The following TRIM37 variants were observed in gnomAD, a reference collection of about 807,000 sequenced individuals.
TRIM37 encodes E3 ubiquitin-protein ligase TRIM37.
Under a neutral mutation model 129.8 loss-of-function variants are expected in TRIM37, and 80 were observed. That is an observed-to-expected ratio of 0.62 (90% CI 0.51 to 0.74). The LOEUF (loss-of-function observed/expected upper bound fraction) is 0.74, where lower values mean the gene tolerates loss of function less well. TRIM37 is among the 30% of genes least tolerant of loss of function. The pLI, the probability that TRIM37 is intolerant of heterozygous loss-of-function variation, is 0.00. For synonymous variants in TRIM37, 389 were observed against 387.1 expected (o/e 1.00, Z -0.06); for missense variants, 1,054 against 1,176.5 (o/e 0.90, Z 1.52).
intron 12 of TRIM37, among the ~76,000 whole-genome samples, chr17:59,058,603 A>G (rs1316094090): frequency 6.6e-6 from 1 of 152,228 alleles, no homozygotes; most frequent in African/African-American, 2.4e-5. Flanking sequence ...AACACCTGTA[A>G]TCCCAGCACT....
chr17:59,054,979 G>A (rs1362767502), intron 13 of TRIM37, among the ~76,000 whole-genome samples: 1 of 151,958 alleles, frequency 6.6e-6, no homozygotes, highest in Non-Finnish European at 1.5e-5. Flanking sequence ...TAGGGCTGTT[G>A]TTTGAGTCAG....
At position 59,061,072 on chromosome 17, in the gene TRIM37, C is replaced by T; in HGVS notation, c.979G>A (p.Val327Met). The change falls in exon 12 of 24, where the codon GTG (valine) becomes ATG (methionine). Residue 327 changes from valine to methionine, a missense_variant. Around this residue, in one of 3 missense-constraint regions of TRIM37, gnomAD observed 752 missense variants for 870.8 expected, o/e 0.86. Transcript: ENST00000262294. ...AAGCCAGCTGAGAGCTCCAGAAACACAGATAAGTAGTAACCTCGCACAACT... is the reference window on the plus strand; with the variant it reads ...AAGCCAGCTGAGAGCTCCAGAAACATAGATAAGTAGTAACCTCGCACAACT... Reference protein sequence around the residue: ...NGVVRGYYLSVFLELSAGLPE... With the variant: ...NGVVRGYYLSMFLELSAGLPE... The T allele has an allele frequency of 6.2e-7, 1 of 1,613,584 alleles. No individual in the cohort carries two copies. Among genetic ancestry groups the T allele is most frequent in the Non-Finnish European group, 8.5e-7 (1 of 1,179,706 alleles).
intron 22 of TRIM37, among the ~76,000 whole-genome samples, chr17:59,004,588 A>G (rs1321200751): frequency 6.6e-6 from 1 of 152,194 alleles, no homozygotes; most frequent in Non-Finnish European, 1.5e-5. Context: ...AATTTCCAAT[A>G]TCAGGAATGA....
At chr17:59,042,024 G>C in intron 16 of TRIM37, 126 bp from the exon 17 acceptor site, 2 of 705,454 alleles carry the variant, frequency 2.8e-6, no homozygotes, top group Middle Eastern at 3.9e-4. Flanking sequence ...ACAAAAAGGA[G>C]AAAGATTTTT....
intron 22 of TRIM37, among the ~76,000 whole-genome samples, chr17:59,010,286 G>C (rs1316683378): frequency 6.6e-6 from 1 of 152,150 alleles, no homozygotes; most frequent in Admixed American, 6.5e-5. Flanking sequence ...CTGGTATCTA[G>C]TGGTTAACAG....
At chr17:59,030,839 A>G (rs2037766027) in intron 18 of TRIM37, among the ~76,000 whole-genome samples, 1 of 152,162 alleles carries the variant, frequency 6.6e-6, no homozygotes, top group Non-Finnish European at 1.5e-5. Context: ...CTACTACAAA[A>G]TTGTCCTTCA....
chr17:59,039,264 T>C (rs1049744542), intron 17 of TRIM37, among the ~76,000 whole-genome samples: 1 of 152,126 alleles, frequency 6.6e-6, no homozygotes, highest in African/African-American at 2.4e-5. Context: ...TCAGCATCAA[T>C]TCCTATGTTA....
the TRIM37 span, chr17:58,972,861 A>G: frequency 6.2e-7 from 1 of 1,613,012 alleles, no homozygotes; most frequent in Non-Finnish European, 8.5e-7. Context: ...AGGCCCTTGG[A>G]GGTTGCGTAG....
intron 24 of TRIM37, among the ~76,000 whole-genome samples, chr17:58,992,297 TTATATA>T (rs1242834616): frequency 7.5e-6 from 1 of 134,010 alleles, no homozygotes; most frequent in East Asian, 2.1e-4. Context: ...TTATATATAT[TTATATA>T]TATATAAATA....
chr17:59,099,572 G>C (rs2045261596), intron 2 of TRIM37, among the ~76,000 whole-genome samples: 1 of 151,918 alleles, frequency 6.6e-6, no homozygotes, highest in African/African-American at 2.4e-5. Context: ...GCACTGAACA[G>C]ACCCCTTACC....
At chr17:59,088,498 A>C in intron 3 of TRIM37, 91 bp from the exon 4 acceptor site, 4 of 835,244 alleles carry the variant, frequency 4.8e-6, no homozygotes, top group Non-Finnish European at 8.2e-6. Flanking sequence ...GAGCACAATA[A>C]TACTCATACC....
intron 15 of TRIM37, among the ~76,000 whole-genome samples, 164 bp downstream of exon 15, chr17:59,049,014 C>T (rs1263657711): frequency 6.6e-6 from 1 of 152,124 alleles, no homozygotes; most frequent in African/African-American, 2.4e-5. Flanking sequence ...GATTCAACAA[C>T]TTCTGACTTA....
At chr17:59,019,857 A>G (rs2036377389) in intron 19 of TRIM37, among the ~76,000 whole-genome samples, 1 of 152,206 alleles carries the variant, frequency 6.6e-6, no homozygotes, top group South Asian at 2.1e-4. Context: ...TTAGACTTAG[A>G]TAAATGTTCT....
At chr17:59,088,449 G>C (rs2043971989) in intron 3 of TRIM37, 42 bp from the exon 4 acceptor site, 2 of 1,114,384 alleles carry the variant, frequency 1.8e-6, no homozygotes, top group Non-Finnish European at 2.8e-6. Context: ...TCAGGAATTT[G>C]AGATTATTTT....
intron 2 of TRIM37, 35 bp downstream of exon 2, chr17:59,104,258 T>C (rs769126960): frequency 1.3e-6 from 2 of 1,545,710 alleles, no homozygotes; most frequent in Non-Finnish European, 1.8e-6. Flanking sequence ...ATATACTATA[T>C]ATACTAACTG....
At chr17:59,010,448 C>T (rs539380017) in intron 22 of TRIM37, among the ~76,000 whole-genome samples, 7 of 152,158 alleles carry the variant, frequency 4.6e-5, no homozygotes, top group East Asian at 3.9e-4. Flanking sequence ...ATGCAACATC[C>T]GGTAAATTAG....
At chr17:58,973,383 C>T in the TRIM37 span, among the ~76,000 whole-genome samples, 29 of 148,978 alleles carry the variant, frequency 1.9e-4, no homozygotes, top group Middle Eastern at 3.4e-3. Context: ...CGCCATTGCA[C>T]GCCAGCCTGG....
chr17:59,097,611 C>T (rs1264932191), intron 2 of TRIM37, among the ~76,000 whole-genome samples: 1 of 151,926 alleles, frequency 6.6e-6, no homozygotes, highest in Non-Finnish European at 1.5e-5. Flanking sequence ...TGGCTCACAC[C>T]TATAATCCCA....
intron 9 of TRIM37, 109 bp downstream of exon 9, chr17:59,070,714 A>C: frequency 7.9e-7 from 1 of 1,259,020 alleles, no homozygotes. Context: ...TATCTATAAA[A>C]GAAAAGAGAG....
Sources: gnomAD v4.1 joint callset for allele counts (sites outside exome capture counted in the v4.1 genomes callset) on GRCh38, gnomAD v4.1.1 for gene constraint, gnomAD v4.1.1 regional missense constraint, MANE v1.5 for transcripts, NCBI Gene and HGNC (gene_info 2026-07-23, HGNC 2026-07-21) for gene names.